Variants in LHFPL4 observed in about 807,000 individuals in gnomAD.
LHFPL4 encodes LHFPL tetraspan subfamily member 4 protein.
A neutral mutation model predicts 20.0 loss-of-function variants in LHFPL4; 6 were observed. The ratio of observed to expected loss-of-function variants is 0.30; its 90% CI spans 0.16 to 0.59. The LOEUF (loss-of-function observed/expected upper bound fraction) is 0.59. LHFPL4 is among the 20% of genes least tolerant of loss of function. LHFPL4 has a pLI of 0.88. For missense variants in LHFPL4, 215 were observed against 331.2 expected (o/e 0.65, Z 2.72); for synonymous variants, 129 against 143.8 (o/e 0.90, Z 0.74).
intron 2 of LHFPL4, among the ~76,000 whole-genome samples, chr3:9,523,051 A>G (rs866458215): frequency 4.3e-5 from 5 of 115,444 alleles, no homozygotes; most frequent in Non-Finnish European, 9.1e-5. Flanking sequence ...AAAAAAAAAA[A>G]AAAAAAAGAA....
intron 2 of LHFPL4, among the ~76,000 whole-genome samples, chr3:9,532,840 T>C (rs978950299): frequency 6.6e-6 from 1 of 152,094 alleles, no homozygotes; most frequent in Non-Finnish European, 1.5e-5. Context: ...TGATGTGGCC[T>C]CTCTGATCTG....
intron 2 of LHFPL4, among the ~76,000 whole-genome samples, chr3:9,524,633 G>A (rs866416344): frequency 2.6e-5 from 4 of 152,018 alleles, no homozygotes; most frequent in Middle Eastern, 3.4e-3. Context: ...CTCTGCTTAC[G>A]TTGCCCATCT....
intron 2 of LHFPL4, among the ~76,000 whole-genome samples, chr3:9,527,412 AAATAAT>A (rs1248311312): frequency 6.6e-6 from 1 of 152,084 alleles, no homozygotes; most frequent in Non-Finnish European, 1.5e-5. Flanking sequence ...CTACTAAAAA[AAATAAT>A]AATAATACAA....
At chr3:9,526,184 C>G (rs2046373941) in intron 2 of LHFPL4, among the ~76,000 whole-genome samples, 1 of 152,018 alleles carries the variant, frequency 6.6e-6, no homozygotes, top group Non-Finnish European at 1.5e-5. Context: ...TAATCAAATT[C>G]ACAGAGACAG....
At chr3:9,509,466 A>C (rs749099622) in intron 2 of LHFPL4, among the ~76,000 whole-genome samples, 1 of 152,020 alleles carries the variant, frequency 6.6e-6, no homozygotes, top group South Asian at 2.1e-4. Flanking sequence ...CTGCATGCCC[A>C]CTATGTGCCA....
chr3:9,548,757 G>C (rs1559524853), intron 2 of LHFPL4, among the ~76,000 whole-genome samples: 1 of 152,200 alleles, frequency 6.6e-6, no homozygotes, highest in Admixed American at 6.6e-5. Flanking sequence ...TGTGGTTCCA[G>C]GGATAGGCAT....
chr3:9,518,746 T>C (rs1027356948), intron 2 of LHFPL4, among the ~76,000 whole-genome samples: 1 of 151,090 alleles, frequency 6.6e-6, no homozygotes, highest in Non-Finnish European at 1.5e-5. Context: ...TCTGTAGTGA[T>C]GTTTTTTTGT....
intron 2 of LHFPL4, among the ~76,000 whole-genome samples, chr3:9,527,768 C>A: frequency 6.8e-6 from 1 of 147,870 alleles, no homozygotes. Flanking sequence ...TTTTAAAAAC[C>A]CAGAAAACCA....
intron 2 of LHFPL4, among the ~76,000 whole-genome samples, chr3:9,507,020 A>G (rs9823342): frequency 0.31 from 47,805 of 152,216 alleles, 7,779 homozygotes; most frequent in Non-Finnish European, 0.34. Context: ...TGGAGTGCCA[A>G]TGATAGGACT....
At chr3:9,545,419 C>T (rs889774389) in intron 2 of LHFPL4, among the ~76,000 whole-genome samples, 9 of 152,140 alleles carry the variant, frequency 5.9e-5, no homozygotes, top group African/African-American at 9.7e-5. Flanking sequence ...TGGCTCAGGC[C>T]GGTAATTCCA....
chr3:9,526,318 A>T (rs892572169), intron 2 of LHFPL4, among the ~76,000 whole-genome samples: 9 of 152,200 alleles, frequency 5.9e-5, no homozygotes, highest in African/African-American at 2.2e-4. Context: ...GTAATGACTG[A>T]GCAATAATGT....
At chr3:9,510,103 G>T (rs2625888) in intron 2 of LHFPL4, among the ~76,000 whole-genome samples, 2 of 152,158 alleles carry the variant, frequency 1.3e-5, no homozygotes, top group Non-Finnish European at 2.9e-5. Context: ...TAGCATCATC[G>T]GTGGCCTCTA....
intron 2 of LHFPL4, among the ~76,000 whole-genome samples, chr3:9,543,393 C>G (rs1218663024): frequency 6.6e-6 from 1 of 151,742 alleles, no homozygotes; most frequent in Non-Finnish European, 1.5e-5. Context: ...CCTAGCTACT[C>G]GGGAGGCTGA....
chr3:9,550,644 G>T (rs528116310), intron 2 of LHFPL4: 3 of 152,302 alleles, frequency 2.0e-5, no homozygotes, highest in Admixed American at 2.0e-4. Flanking sequence ...ATGAGTTGAG[G>T]ATTCCAGCTT....
In LHFPL4 at chr3:9,506,231, C is replaced by G. The variant is rs777423971; in HGVS notation, c.407-28G>C. 1 of 1,563,894 alleles carries G rather than the reference C, an allele frequency of 6.4e-7. No homozygotes were observed. The highest frequency in any genetic ancestry group is 1.7e-5 in the Admixed American group (1 of 59,920). ...GAGGGGCAGAGCACCGGGCCCACCA[C>G]CACGGTCAGGAAGGAAGAGAAAAGA... On this transcript the variant is annotated intron_variant, in intron 2 of 3. Coordinates refer to ENST00000287585, the MANE Select transcript of LHFPL4 (RefSeq NM_198560.3). The surrounding 1 kb of genome is among the most constrained non-coding windows in gnomAD (Gnocchi z 4.5).
chr3:9,534,213 T>C (rs2046431160), intron 2 of LHFPL4, among the ~76,000 whole-genome samples: 1 of 151,246 alleles, frequency 6.6e-6, no homozygotes, highest in Non-Finnish European at 1.5e-5. Context: ...CAAGACCTTT[T>C]CTTAAAAAAA....
At chr3:9,531,679 T>C (rs2046409729) in intron 2 of LHFPL4, among the ~76,000 whole-genome samples, 1 of 151,930 alleles carries the variant, frequency 6.6e-6, no homozygotes, top group African/African-American at 2.4e-5. Context: ...TGCGCACCTG[T>C]AATCACAGCT....
intron 2 of LHFPL4, among the ~76,000 whole-genome samples, chr3:9,513,255 C>A (rs1411897719): frequency 2.0e-5 from 3 of 152,196 alleles, no homozygotes; most frequent in Middle Eastern, 3.4e-3. Flanking sequence ...CCACCGCGCC[C>A]GGCCTGGACA....
chr3:9,518,354 G>T (rs7627871), intron 2 of LHFPL4, among the ~76,000 whole-genome samples: 46,890 of 151,916 alleles, frequency 0.31, 7,651 homozygotes, highest in Non-Finnish European at 0.36. Context: ...AGAGATATTG[G>T]TCTATAGGTT....
Sources: allele counts gnomAD v4.1 joint callset (sites outside exome capture counted in the v4.1 genomes callset), GRCh38; gene constraint gnomAD v4.1.1; non-coding constraint Gnocchi (gnomAD v3.1); transcripts MANE v1.5; gene names NCBI Gene and HGNC (gene_info 2026-07-23, HGNC 2026-07-21).